ANO9: variants seen among roughly 807,000 people sequenced by gnomAD.
ANO9 encodes the protein anoctamin-9.
Under a neutral mutation model 100.5 loss-of-function variants are expected in ANO9, and 80 were observed. That is an observed-to-expected ratio of 0.80 (90% CI 0.66 to 0.96). The LOEUF (loss-of-function observed/expected upper bound fraction) is 0.96. Among genes scored for constraint, ANO9 ranks in the 40% least tolerant of loss-of-function variants. ANO9 has a pLI of 0.00. For synonymous variants in ANO9, 473 were observed against 435.6 expected, an observed-to-expected ratio of 1.09 and a Z score of -1.07; for missense variants, 1,064 against 1,072.7, an observed-to-expected ratio of 0.99 and a Z score of 0.11.
rs772614222 is a variant in ANO9 at position 428,410 on chromosome 11, C to A, written c.1186-16G>T. 2 of 1,612,680 alleles carry A rather than the reference C, an allele frequency of 1.2e-6. No homozygotes were observed. The highest frequency in any genetic ancestry group is 8.5e-7 in the Non-Finnish European group (1 of 1,179,928). ...ACCTGTTGATCTGCGGAGGAGGGCA[C>A]CGAATGGGCTCACTGGGGCTCCGGT... On this transcript the variant is annotated splice_polypyrimidine_tract_variant and intron_variant, in intron 13 of 22. Coordinates refer to ENST00000332826, the MANE Select transcript of ANO9 (RefSeq NM_001012302.3).
At chr11:435,636 C>T (rs1478103474) in intron 1 of ANO9, among the ~76,000 whole-genome samples, 1 of 130,860 alleles carries the variant, frequency 7.6e-6, no homozygotes, top group Non-Finnish European at 1.7e-5. Context: ...CTAGTATGGT[C>T]TAGTCTAGTC....
rs115334173 is a variant in ANO9 at position 433,894 on chromosome 11, C to T, written c.125G>A (p.Arg42His). The change falls in exon 3 of 23, where the codon CGT (arginine) becomes CAT (histidine). Residue 42 changes from arginine to histidine, a missense_variant. Transcript: ENST00000332826. ...CTGCCGGGGGTCTCTCTGGGTGTGA[C>T]GTTGGGCCACGAGGACATAGTCCCA... Reference protein sequence around the residue: ...EQWDYVLVAQRHTQRDPRQAR... With the variant: ...EQWDYVLVAQHHTQRDPRQAR... The T allele has an allele frequency of 1.2e-4, 183 of 1,563,574 alleles. No individual in the cohort carries two copies. Among genetic ancestry groups the T allele is most frequent in the East Asian group, 8.1e-4 (35 of 42,962 alleles).
chr11:429,501 G>C, intron 11 of ANO9, 69 bp downstream of exon 11: 7 of 1,585,560 alleles, frequency 4.4e-6, no homozygotes, highest in Non-Finnish European at 4.3e-6. Flanking sequence ...TATGTGGGCC[G>C]TGCAGGGCAT....
At chr11:440,557 C>T (rs575920751) in intron 1 of ANO9, 1 of 152,622 alleles carries the variant, frequency 6.6e-6, no homozygotes, top group South Asian at 2.1e-4. Context: ...TCCCCTGCTC[C>T]TGGGAGGTCA....
Position 431,744 on chromosome 11 carries a change from C to CG in ANO9, c.488dup (p.Trp164ValfsTer14). ...GGAACATGTGTCTCCACCGCGCCCA[C>CG]GTCTTCTTCAGGCGTCCCTCCCCCT... is the stretch of plus-strand genomic sequence containing the variant. On this transcript the variant is annotated frameshift_variant, in exon 7 of 23. Transcript: ENST00000332826. LOFTEE classifies it high-confidence loss of function. 2.0e-5 allele frequency: 33 copies of CG among 1,612,692 alleles called. No individual in the cohort carries two copies. Among genetic ancestry groups the CG allele is most frequent in the Non-Finnish European group, 2.8e-5 (33 of 1,179,580 alleles).
rs946874935 is a variant in ANO9, at chr11:422,790, G to A, written c.1335-1592C>T. On this transcript the variant is annotated intron_variant, in intron 15 of 22. Coordinates refer to ENST00000332826, the MANE Select transcript of ANO9 (RefSeq NM_001012302.3). The surrounding 1 kb of genome is among the most constrained non-coding windows in gnomAD (Gnocchi z 4.3). Reference sequence around the variant, plus strand: ...TTATGGTGATTTTCTTGGAAATAATGTATCATTTTACTTATACAATCTTAA... The same window carrying A: ...TTATGGTGATTTTCTTGGAAATAATATATCATTTTACTTATACAATCTTAA... Among the ~76,000 whole-genome samples the A allele has an allele frequency of 1.3e-5, 2 of 151,312 alleles. No individual in the cohort carries two copies. Among genetic ancestry groups the A allele is most frequent in the Non-Finnish European group, 2.9e-5 (2 of 67,924 alleles).
chr11:418,572 G>C lies in ANO9; in HGVS notation c.2148C>G (p.Ile716Met), dbSNP rs373161873. ...VILFEHVALC[I>M]KLIAAWFVPD... ...GCACGAACCAGGCGGCGATGAGCTT[G>C]ATGCACAAGGCCACGTGCTAGCGGC... Residue 716 changes from isoleucine (I) to methionine (M), a missense_variant, in exon 23 of 23, where the codon ATC (isoleucine) becomes ATG (methionine). By Grantham distance (10) the Ile-to-Met change is conservative. Coordinates refer to ENST00000332826, the MANE Select transcript of ANO9 (RefSeq NM_001012302.3). 1 of 1,612,870 alleles carries C rather than the reference G, an allele frequency of 6.2e-7. No individual in the cohort carries two copies. The highest frequency in any genetic ancestry group is 1.7e-5 in the Admixed American group (1 of 60,010).
At chr11:439,807 C>T (rs1845714442) in intron 1 of ANO9, among the ~76,000 whole-genome samples, 1 of 152,198 alleles carries the variant, frequency 6.6e-6, no homozygotes, top group South Asian at 2.1e-4. Context: ...CTCTGCGCTC[C>T]TGAAGCCAGT....
At chr11:420,913 G>A in intron 17 of ANO9, 32 bp downstream of exon 17, 1 of 1,597,034 alleles carries the variant, frequency 6.3e-7, no homozygotes, top group Non-Finnish European at 8.5e-7. Context: ...GGGGCCTGGG[G>A]CTCCCGGGGC....
In ANO9 at chr11:418,231, G is replaced by T; in HGVS notation, c.*140C>A. On this transcript the variant is annotated 3_prime_UTR_variant, in exon 23 of 23. Coordinates refer to ENST00000332826, the MANE Select transcript of ANO9 (RefSeq NM_001012302.3). ...GAATAGGGTGGCAGCTCACAGCCCT[G>T]AACATACAGGGGATTCCTGCGGCCC... is the stretch of plus-strand genomic sequence containing the variant. The T allele has an allele frequency of 1.2e-6, 1 of 866,646 alleles. No individual in the cohort carries two copies. Among genetic ancestry groups the T allele is most frequent in the Non-Finnish European group, 1.7e-6 (1 of 578,714 alleles). The allele number at this position is 866,646 out of a possible 1,614,324, so 53.7% of individuals were successfully genotyped here.
At chr11:436,383 T>G (rs1849544556) in intron 1 of ANO9, among the ~76,000 whole-genome samples, 1 of 151,892 alleles carries the variant, frequency 6.6e-6, no homozygotes, top group Non-Finnish European at 1.5e-5. Flanking sequence ...CTTATTTTGT[T>G]TTGCTAAGTC....
Position 418,826 on chromosome 11 carries a change from AG to A in ANO9, c.2037-14del. 6.2e-7 allele frequency: 1 copy of A among 1,613,398 alleles called. No individual in the cohort carries two copies. Among genetic ancestry groups the A allele is most frequent in the Non-Finnish European group, 8.5e-7 (1 of 1,179,982 alleles). ...GTAGTCCCTGTATCTGGGGTAAGGA[AG>A]TACCTGAGGTCAGGGGTCAGGAGTT... On this transcript the variant is annotated splice_polypyrimidine_tract_variant and intron_variant, in intron 21 of 22. Coordinates refer to ENST00000332826, the MANE Select transcript of ANO9 (RefSeq NM_001012302.3).
intron 7 of ANO9, among the ~76,000 whole-genome samples, chr11:430,807 T>A (rs1240932887): frequency 2.2e-5 from 1 of 46,284 alleles, no homozygotes; most frequent in Non-Finnish European, 4.1e-5. Context: ...GTCTGGGGGG[T>A]GTGGGGGCGT....
At chr11:428,699 C>T (rs369729258) in intron 12 of ANO9, 23 bp downstream of exon 12, 72 of 1,612,772 alleles carry the variant, frequency 4.5e-5, no homozygotes, top group African/African-American at 4.4e-4. Flanking sequence ...GTCTCCAGCC[C>T]CACCGCGGTG....
intron 1 of ANO9, among the ~76,000 whole-genome samples, chr11:436,177 C>T (rs1268206883): frequency 1.3e-5 from 2 of 150,890 alleles, no homozygotes; most frequent in African/African-American, 4.9e-5. Context: ...AAGCGATTCT[C>T]CTGCCTCAGC....
At position 421,430 on chromosome 11, in the gene ANO9, C is replaced by T. The variant is rs1459822783; in HGVS notation, c.1335-232G>A. On this transcript the variant is annotated intron_variant, in intron 15 of 22. Transcript: ENST00000332826. This position sits in a 1 kb window ranked among gnomAD's most constrained non-coding sequence, Gnocchi z 6.8. ...GGCTCCCAGATGAACCGCACCCACA[C>T]GTGGGCGCGCGCACACACACACACA... 6 of 400,116 alleles carry T rather than the reference C, an allele frequency of 1.5e-5. No individual in the cohort carries two copies. The highest frequency in any genetic ancestry group is 1.3e-4 in the African/African-American group (6 of 45,114). The allele number at this position is 400,116 out of a possible 1,614,324, so 24.8% of individuals were successfully genotyped here.
At chr11:419,327 G>T in intron 20 of ANO9, 2 of 1,409,636 alleles carry the variant, frequency 1.4e-6, no homozygotes, top group Non-Finnish European at 1.8e-6. Flanking sequence ...GTTCTGGCAG[G>T]GCCTACTCAG....
intron 1 of ANO9, among the ~76,000 whole-genome samples, chr11:434,756 G>A (rs981451053): frequency 7.2e-5 from 11 of 152,316 alleles, no homozygotes; most frequent in Middle Eastern, 3.4e-3. Flanking sequence ...GCAGGGTGAC[G>A]GGCGCAGGCA....
chr11:436,332 G>C (rs1257596190), intron 1 of ANO9, among the ~76,000 whole-genome samples: 1 of 152,184 alleles, frequency 6.6e-6, no homozygotes, highest in South Asian at 2.1e-4. Flanking sequence ...CTCCCAAAGT[G>C]CTGGGATTAC....
Sources: allele counts gnomAD v4.1 joint callset (sites outside exome capture counted in the v4.1 genomes callset), GRCh38; gene constraint gnomAD v4.1.1; non-coding constraint Gnocchi (gnomAD v3.1); transcripts MANE v1.5; gene names NCBI Gene and HGNC (gene_info 2026-07-23, HGNC 2026-07-21).